EHMT1: variants seen among roughly 807,000 people sequenced by gnomAD.
EHMT1 encodes the protein histone-lysine N-methyltransferase EHMT1.
EHMT1 carries 15 observed loss-of-function variants against 147.2 expected under a neutral mutation model. The ratio of observed to expected loss-of-function variants is 0.10; its 90% CI spans 0.07 to 0.16. The LOEUF (loss-of-function observed/expected upper bound fraction) is 0.16, where lower values mean the gene tolerates loss of function less well. Among genes scored for constraint, EHMT1 ranks in the 10% least tolerant of loss-of-function variants. The pLI, the probability that EHMT1 is intolerant of heterozygous loss-of-function variation, is 1.00. For synonymous variants in EHMT1, 795 were observed against 709.6 expected (o/e 1.12, Z -1.91); for missense variants, 1,587 against 1,772.4 (o/e 0.90, Z 1.88).
chr9:137,741,307 G>A (rs1948059448), intron 4 of EHMT1, among the ~76,000 whole-genome samples: 1 of 152,122 alleles, frequency 6.6e-6, no homozygotes, highest in Non-Finnish European at 1.5e-5. Context: ...ATGAAATGCA[G>A]GGTTATCTCC....
In EHMT1 at chr9:137,827,462, C is replaced by T. The variant is rs113024038; in HGVS notation, c.3541-6887C>T. On this transcript the variant is annotated intron_variant, in intron 25 of 26. Transcript: ENST00000460843. ...CACGCCCGGACCCCAGACCCCAGACCCCTGTCCACCTGAGCGCCAAAATCT... is the reference window on the plus strand; with the variant it reads ...CACGCCCGGACCCCAGACCCCAGACTCCTGTCCACCTGAGCGCCAAAATCT... Among the ~76,000 whole-genome samples the T allele has an allele frequency of 5.3e-3, 803 of 152,322 alleles. 9 individuals are homozygous for T. The highest frequency in any genetic ancestry group is 0.017 in the African/African-American group (720 of 41,572).
chr9:137,711,144 GT>G, intron 2 of EHMT1, 114 bp downstream of exon 2: 1 of 1,113,570 alleles, frequency 9.0e-7, no homozygotes. Context: ...CTTCACCTAG[GT>G]TTATGGTATA....
intron 1 of EHMT1, among the ~76,000 whole-genome samples, chr9:137,665,394 G>A (rs910463571): frequency 6.6e-6 from 1 of 152,168 alleles, no homozygotes; most frequent in Non-Finnish European, 1.5e-5. Flanking sequence ...CGTCGTGCAG[G>A]TGCGTCCTGG....
Position 137,716,883 on chromosome 9 carries a change from G to A in EHMT1, c.343G>A (p.Val115Met), listed in dbSNP as rs139431280. The change falls in exon 3 of 27, where the codon GTG becomes ATG. Residue 115 changes from valine to methionine, a missense_variant. By Grantham distance (21) the Val-to-Met change is conservative. This residue lies in a region of EHMT1 where 810 missense variants were observed against 673.0 expected (regional missense o/e 1.20). Coordinates refer to ENST00000460843, the MANE Select transcript of EHMT1 (RefSeq NM_024757.5). The part of the protein sequence containing the change: ...KQNHVTADDF[V>M]QTSVIGSNGY... ...AAACCACGTCACTGCCGACGACTTT[G>A]TGCAGACTTCTGTCATCGGCAGCAA... The A allele has an allele frequency of 1.2e-6, 2 of 1,613,244 alleles. No homozygotes were observed. Among genetic ancestry groups the A allele is most frequent in the South Asian group, 1.1e-5 (1 of 91,090 alleles).
At chr9:137,751,497 G>A (rs1948964912) in intron 6 of EHMT1, among the ~76,000 whole-genome samples, 1 of 152,176 alleles carries the variant, frequency 6.6e-6, no homozygotes, top group Non-Finnish European at 1.5e-5. Context: ...CCTGTCCACC[G>A]GGAAATGCAG....
At chr9:137,719,718 C>A (rs1421101113) in intron 3 of EHMT1, among the ~76,000 whole-genome samples, 1 of 152,208 alleles carries the variant, frequency 6.6e-6, no homozygotes, top group African/African-American at 2.4e-5. Flanking sequence ...GTGGGGCTTA[C>A]TCAGTTTCAC....
At chr9:137,686,738 T>C (rs1942476739) in intron 1 of EHMT1, among the ~76,000 whole-genome samples, 1 of 147,492 alleles carries the variant, frequency 6.8e-6, no homozygotes, top group Admixed American at 6.7e-5. Context: ...TTCTTTTTTT[T>C]TTTTTTTTTT....
chr9:137,717,727 C>A (rs1945489334), intron 3 of EHMT1, among the ~76,000 whole-genome samples: 1 of 152,078 alleles, frequency 6.6e-6, no homozygotes, highest in African/African-American at 2.4e-5. Flanking sequence ...GATTCTGTTG[C>A]TCTCTGTAGA....
At position 137,762,861 on chromosome 9, in the gene EHMT1, G is replaced by A. The variant is rs775896160; in HGVS notation, c.1647+41G>A. ...TTCATTTAAAGCAGCCACGAGGAGT[G>A]AGTGAGAAAGCCCAGCCCAGCAGGG... On this transcript the variant is annotated intron_variant, in intron 10 of 26. Transcript: ENST00000460843. The A allele has an allele frequency of 5.6e-6, 9 of 1,611,822 alleles. No individual in the cohort carries two copies. In the East Asian group the frequency reaches 1.6e-4, roughly 28 times the overall value.
intron 18 of EHMT1, chr9:137,802,589 G>C (rs1026437510): frequency 2.5e-6 from 1 of 398,934 alleles, no homozygotes; most frequent in African/African-American, 2.1e-5. Flanking sequence ...GCTTGAGAAC[G>C]GCGTGGGCAC....
intron 1 of EHMT1, among the ~76,000 whole-genome samples, chr9:137,624,014 T>C (rs1409413036): frequency 6.6e-6 from 1 of 150,822 alleles, no homozygotes; most frequent in African/African-American, 2.4e-5. Context: ...TTTTTTTTTT[T>C]TTTGAGATGG....
intron 25 of EHMT1, 82 bp downstream of exon 25, chr9:137,818,220 T>C: frequency 6.9e-7 from 1 of 1,446,420 alleles, no homozygotes; most frequent in African/African-American, 1.4e-5. Flanking sequence ...AGGGCTGGGA[T>C]TCAGAAGAGA....
At chr9:137,791,116 C>A in intron 16 of EHMT1, 146 bp downstream of exon 16, 1 of 1,342,842 alleles carries the variant, frequency 7.4e-7, no homozygotes, top group Non-Finnish European at 1.0e-6. Context: ...CTTCATCTCA[C>A]TTTGGTTACC....
chr9:137,701,794 AAT>A (rs199662425), intron 1 of EHMT1, among the ~76,000 whole-genome samples: 54 of 32,104 alleles, frequency 1.7e-3, no homozygotes, highest in South Asian at 5.1e-3. Flanking sequence ...TGCCTGGTTA[AAT>A]TTTTTTTTTT....
intron 9 of EHMT1, among the ~76,000 whole-genome samples, chr9:137,760,316 C>T (rs534641070): frequency 2.6e-5 from 4 of 152,202 alleles, no homozygotes; most frequent in African/African-American, 9.7e-5. Context: ...TCACTGCAGC[C>T]TCTTGGCTGC....
rs540881694 is a variant in EHMT1, at chr9:137,634,046, C to G, written c.21+14997C>G. On this transcript the variant is annotated intron_variant, in intron 1 of 26. Transcript: ENST00000460843. ...CAGGCTGGTCTTGAACTCCTGACTT[C>G]AAGTGATCCACCTGCCTCGGCCTCT... Among the ~76,000 whole-genome samples the G allele has an allele frequency of 3.3e-5, 5 of 152,296 alleles. No individual in the cohort carries two copies. In the East Asian group the frequency reaches 5.8e-4, roughly 18 times the overall value.
chr9:137,777,711 G>A (rs1221036930), intron 12 of EHMT1, among the ~76,000 whole-genome samples, 171 bp from the exon 13 acceptor site: 1 of 152,144 alleles, frequency 6.6e-6, no homozygotes, highest in South Asian at 2.1e-4. Context: ...AGTTGCCCTA[G>A]TTTTCTCAGG....
intron 1 of EHMT1, among the ~76,000 whole-genome samples, chr9:137,623,532 A>G (rs1843069368): frequency 6.6e-6 from 1 of 151,794 alleles, no homozygotes. Context: ...CTCCTGCCTC[A>G]GCCTCCCAAG....
In EHMT1 at chr9:137,717,059, C is replaced by G. The variant is rs767855452; in HGVS notation, c.519C>G (p.Ala173=). The G allele has an allele frequency of 5.6e-6, 9 of 1,607,358 alleles. No individual in the cohort carries two copies. In the South Asian group the frequency reaches 9.9e-5, roughly 18 times the overall value. The change falls in exon 3 of 27, where the codon GCC becomes GCG. Residue 173 remains alanine, a synonymous_variant. Transcript: ENST00000460843. ...RTPSAFPQTP[A]APPATLGEGS... ...CAAGCGCTTTTCCCCAGACGCCAGC[C>G]GCCCCACCAGCCACCCTTGGGGAGG... is the stretch of plus-strand genomic sequence containing the variant.
Sources: gnomAD v4.1 joint callset for allele counts (sites outside exome capture counted in the v4.1 genomes callset) on GRCh38, gnomAD v4.1.1 for gene constraint, gnomAD v4.1.1 regional missense constraint, MANE v1.5 for transcripts, NCBI Gene and HGNC (gene_info 2026-07-23, HGNC 2026-07-21) for gene names.